Variants in ZFP64 observed in about 807,000 individuals in gnomAD.
The protein encoded by ZFP64 is ZFP64 zinc finger protein.
ZFP64 carries 14 observed loss-of-function variants against 51.6 expected under a neutral mutation model. That is an observed-to-expected ratio of 0.27 (90% CI 0.18 to 0.42). The LOEUF is 0.42. Among genes scored for constraint, ZFP64 ranks in the 10% least tolerant of loss-of-function variants. The pLI is 1.00. For missense variants in ZFP64, 754 were observed against 906.8 expected, an observed-to-expected ratio of 0.83 and a Z score of 2.16; for synonymous variants, 375 against 361.4, an observed-to-expected ratio of 1.04 and a Z score of -0.43.
At position 52,153,133 on chromosome 20, in the gene ZFP64, G is replaced by A. The variant is rs757795762; in HGVS notation, c.1059C>T (p.Ser353=). 4 of 1,614,230 alleles carry A rather than the reference G, an allele frequency of 2.5e-6. No homozygotes were observed. In the Admixed American group the frequency reaches 6.7e-5, roughly 27 times the overall value. Residue 353 remains serine (S), a synonymous_variant, in exon 6 of 6, where the codon TCC becomes TCT. Coordinates refer to ENST00000216923, the MANE Select transcript of ZFP64 (RefSeq NM_018197.3). The surrounding 1 kb of genome is among the most constrained non-coding windows in gnomAD (Gnocchi z 5.1). ...EKCSECSYSC[S]SKAALRIHER... is the part of the protein sequence containing the mutation. ...CGTGGATGCGCAGGGCGGCCTTGCT[G>A]GAGCAGGAGTAGCTGCATTCCGAGC...
downstream of ZFP64, among the ~76,000 whole-genome samples, chr20:52,146,729 T>TA (rs569648546): frequency 4.8e-3 from 735 of 151,978 alleles, 5 homozygotes; most frequent in African/African-American, 0.017. Context: ...TAAAGTATAA[T>TA]AAAAAAAAGA....
chr20:52,125,583 C>A (rs934561736), intron 5 of ZFP64, among the ~76,000 whole-genome samples: 1 of 152,218 alleles, frequency 6.6e-6, no homozygotes, highest in Non-Finnish European at 1.5e-5. Flanking sequence ...TGGGTGGCAG[C>A]AGCTGGCTGG....
intron 2 of ZFP64, among the ~76,000 whole-genome samples, chr20:52,171,742 G>C (rs1973950): frequency 0.023 from 3,291 of 142,424 alleles, 49 homozygotes; most frequent in African/African-American, 0.039. Flanking sequence ...TGCCTGCCTC[G>C]GCCTCCCCAA....
intron 2 of ZFP64, among the ~76,000 whole-genome samples, chr20:52,173,019 T>C (rs1384684455): frequency 6.6e-6 from 1 of 152,156 alleles, no homozygotes; most frequent in African/African-American, 2.4e-5. Flanking sequence ...TTTCATGAAA[T>C]AGATAATCCA....
At chr20:52,163,293 A>G (rs6021764) in intron 4 of ZFP64, among the ~76,000 whole-genome samples, 40,361 of 151,922 alleles carry the variant, frequency 0.27, 5,516 homozygotes, top group African/African-American at 0.31. Context: ...CCTGGGAGGC[A>G]GAAGTTGCGG....
At chr20:52,122,422 C>T (rs1433457718) in intron 5 of ZFP64, among the ~76,000 whole-genome samples, 1 of 147,680 alleles carries the variant, frequency 6.8e-6, no homozygotes, top group African/African-American at 2.5e-5. Context: ...AGGAGAATGG[C>T]GTGAACCCGG....
At chr20:52,186,790 G>A (rs1983996679) in intron 2 of ZFP64, 42 bp downstream of exon 2, 3 of 1,572,344 alleles carry the variant, frequency 1.9e-6, no homozygotes, top group Non-Finnish European at 2.6e-6. Flanking sequence ...TTGAGACACA[G>A]CCAGGCCAAT....
At chr20:52,134,638 G>C (rs529347512) in intron 5 of ZFP64, among the ~76,000 whole-genome samples, 1 of 152,174 alleles carries the variant, frequency 6.6e-6, no homozygotes, top group East Asian at 1.9e-4. Flanking sequence ...ACAGTGACTT[G>C]GAACGTTCCA....
chr20:52,128,037 C>T (rs1979529274), intron 5 of ZFP64, among the ~76,000 whole-genome samples: 1 of 152,102 alleles, frequency 6.6e-6, no homozygotes, highest in Non-Finnish European at 1.5e-5. Context: ...GAGGTGTGTT[C>T]CATGTGTCTG....
In ZFP64 at chr20:52,098,677, C is replaced by T. The variant is rs2079018535; in HGVS notation, c.764-90G>A. 3 of 1,524,878 alleles carry T rather than the reference C, an allele frequency of 2.0e-6. No individual in the cohort carries two copies. The African/African-American group carries it at 4.2e-5, about 21-fold the overall frequency. The allele number at this position is 1,524,878 out of a possible 1,614,324, so 94.5% of individuals were successfully genotyped here. ...CAGTAGGTTTGGGCTTATTTCACCT[C>T]CCTTCACCTTTCCAGAAAAAATTTA... On this transcript the variant is annotated intron_variant, in intron 5 of 8. Coordinates refer to the ZFP64 transcript ENST00000361387.
rs770091651 is a variant in ZFP64, at chr20:52,152,166, C to T, written c.2026G>A (p.Ala676Thr). ...AAGCACTAATCTGGAATGGAGTCGG[C>T]GGGACAGAGCAAAGCTGGATGGGCT... ...GAAHPALLCP[A>T]DSIPD Residue 676 changes from alanine to threonine, a missense_variant, in exon 6 of 6, where the codon GCC (alanine) becomes ACC (threonine). By Grantham distance (58) the Ala-to-Thr change is moderately conservative (BLOSUM62 0). Transcript: ENST00000216923. The T allele has an allele frequency of 2.4e-5, 39 of 1,613,850 alleles. No homozygotes were observed. The highest frequency in any genetic ancestry group is 3.3e-5 in the Non-Finnish European group (39 of 1,179,796).
At chr20:52,102,039 G>A (rs753523015) in intron 5 of ZFP64, among the ~76,000 whole-genome samples, 1 of 148,428 alleles carries the variant, frequency 6.7e-6, no homozygotes, top group South Asian at 2.1e-4. Flanking sequence ...TTGAACCTGT[G>A]GGGCAGAGGT....
intron 2 of ZFP64, among the ~76,000 whole-genome samples, chr20:52,180,546 G>GCAAAAA (rs1983540277): frequency 3.9e-5 from 1 of 25,424 alleles, no homozygotes; most frequent in Non-Finnish European, 8.4e-5. Flanking sequence ...ACCAGAAATG[G>GCAAAAA]CAAAAAAAAA....
intron 3 of ZFP64, chr20:52,165,060 A>G (rs1982139162): frequency 1.9e-6 from 1 of 524,414 alleles, no homozygotes; most frequent in Admixed American, 2.2e-5. Context: ...TGAAAGATAA[A>G]TGCTTAACTG....
At chr20:52,175,915 C>T (rs1337836270) in intron 2 of ZFP64, 1 of 985,092 alleles carries the variant, frequency 1.0e-6, no homozygotes, top group Non-Finnish European at 1.2e-6. Context: ...AAAATCCACC[C>T]CTTTCACTTA....
At chr20:52,183,074 C>A (rs1046899041) in intron 2 of ZFP64, among the ~76,000 whole-genome samples, 2 of 152,146 alleles carry the variant, frequency 1.3e-5, no homozygotes, top group Non-Finnish European at 2.9e-5. Flanking sequence ...CAGGCAAGGT[C>A]TGAGCCTGGA....
chr20:52,105,271 G>A, intron 5 of ZFP64: 1 of 1,310,816 alleles, frequency 7.6e-7, no homozygotes, highest in Non-Finnish European at 9.7e-7. Context: ...GCGTCCCTAG[G>A]AGTGGCCTAC....
chr20:52,189,029 T>C (rs1984181908), intron 1 of ZFP64, among the ~76,000 whole-genome samples: 1 of 152,086 alleles, frequency 6.6e-6, no homozygotes. Flanking sequence ...AAGAAACTTA[T>C]AAAGAAGGGG....
At chr20:52,125,146 A>T (rs1568666098) in intron 5 of ZFP64, among the ~76,000 whole-genome samples, 1 of 152,204 alleles carries the variant, frequency 6.6e-6, no homozygotes, top group African/African-American at 2.4e-5. Flanking sequence ...ATTCTGCCCA[A>T]CTGGACTCCT....
Sources: gnomAD v4.1 joint callset for allele counts (sites outside exome capture counted in the v4.1 genomes callset) on GRCh38, gnomAD v4.1.1 for gene constraint, Gnocchi (gnomAD v3.1) non-coding constraint, MANE v1.5 for transcripts, NCBI Gene and HGNC (gene_info 2026-07-23, HGNC 2026-07-21) for gene names.